DCTN1: variants seen among roughly 807,000 people sequenced by gnomAD.
The protein encoded by DCTN1 is 150 kDa dynein-associated polypeptide.
A neutral mutation model predicts 161.2 loss-of-function variants in DCTN1; 61 were observed. That is an observed-to-expected ratio of 0.38 (90% CI 0.31 to 0.47). DCTN1 has a LOEUF of 0.47. Ranked by LOEUF, DCTN1 falls within the 20% of genes least tolerant of loss-of-function variation. The probability of loss-of-function intolerance (pLI) is 0.99; values close to 1 mark genes in which losing one functional copy is unlikely to be tolerated. For synonymous variants in DCTN1, 653 were observed against 632.4 expected (o/e 1.03, Z -0.49); for missense variants, 1,404 against 1,623.7 (o/e 0.86, Z 2.33).
At chr2:74,384,365 A>G (rs1006662963), upstream of DCTN1, among the ~76,000 whole-genome samples, 2 of 152,226 alleles carry the variant, frequency 1.3e-5, no homozygotes, top group African/African-American at 2.4e-5. Context: ...CTCCTTCCAC[A>G]GCATTACCGG....
rs1019375781 is a variant in DCTN1, at chr2:74,369,595, T to C, written c.1393-104A>G. The C allele has an allele frequency of 6.8e-6, 8 of 1,177,004 alleles. No individual in the cohort carries two copies. In the East Asian group the frequency reaches 1.6e-4, roughly 24 times the overall value. The allele number at this position is 1,177,004 out of a possible 1,614,324, so 72.9% of individuals were successfully genotyped here. On this transcript the variant is annotated intron_variant, in intron 13 of 31. Transcript: ENST00000628224. The surrounding 1 kb of genome is among the most constrained non-coding windows in gnomAD (Gnocchi z 4.9). ...ACTTTGGGAGGTCAAAGCAGGCGGA[T>C]CATGAGGTCGAGATCGAGATCATGC...
In DCTN1 at chr2:74,366,327, A is replaced by T; in HGVS notation, c.2677T>A (p.Cys893Ser). The change falls in exon 23 of 32, where the codon TGC becomes AGC. Residue 893 changes from cysteine to serine, a missense_variant. By Grantham distance (112) the Cys-to-Ser change is moderately radical. This residue lies in a region of DCTN1 where 475 missense variants were observed against 489.8 expected (regional missense o/e 0.97). Transcript: ENST00000628224. ...TTCATGGTACTGATGAGGATGTTGC[A>T]TGACTGGCGCAGACACTCATAGGGG... Reference protein sequence around the residue: ...SSPYECLRQSCNILISTMNKL... With the variant: ...SSPYECLRQSSNILISTMNKL... The T allele has an allele frequency of 1.9e-6, 3 of 1,614,208 alleles. No homozygotes were observed. Among genetic ancestry groups the T allele is most frequent in the Non-Finnish European group, 1.7e-6 (2 of 1,180,040 alleles).
upstream of DCTN1, among the ~76,000 whole-genome samples, chr2:74,381,367 C>T (rs62147429): frequency 0.017 from 2,645 of 152,266 alleles, 28 homozygotes; most frequent in Non-Finnish European, 0.024. Flanking sequence ...AGAACAGTGA[C>T]TTTACCCCGC....
Position 74,378,200 on chromosome 2 carries a change from G to C in DCTN1, c.79C>G (p.Leu27Val). 1 of 1,612,722 alleles carries C rather than the reference G, an allele frequency of 6.2e-7. No homozygotes were observed. The highest frequency in any genetic ancestry group is 2.2e-5 in the East Asian group (1 of 44,890). ...RMSAEASARP[L>V]RVGSRVEVIG... ...ACCTCTACACGGGAGCCCACCCGCA[G>C]AGGCCGGGCGCTTGCCTCCGCACTC... is the stretch of plus-strand genomic sequence containing the variant. Residue 27 changes from leucine to valine, a missense_variant, in exon 2 of 32, where the codon CTG (leucine) becomes GTG (valine). Transcript: ENST00000628224.
At chr2:74,368,679 A>G in intron 16 of DCTN1, 49 bp downstream of exon 16, 1 of 1,613,770 alleles carries the variant, frequency 6.2e-7, no homozygotes, top group Non-Finnish European at 8.5e-7. Context: ...TGCCTGGTTC[A>G]TGGCAAGTTC....
chr2:74,391,720 G>A (rs566086285), intron 1 of DCTN1: 8 of 446,456 alleles, frequency 1.8e-5, no homozygotes, highest in Non-Finnish European at 3.2e-5. Flanking sequence ...TCGGTCCCCA[G>A]CCCACCGCCG....
At chr2:74,374,524 C>T (rs983221043) in intron 5 of DCTN1, 184 bp from the exon 6 acceptor site, 38 of 1,422,502 alleles carry the variant, frequency 2.7e-5, no homozygotes, top group Middle Eastern at 2.6e-4. Context: ...CTCAGCCTCC[C>T]GGTGCGGCAG....
Position 74,369,341 on chromosome 2 carries a change from G to T in DCTN1, c.1543C>A (p.Gln515Lys), listed in dbSNP as rs748353990. 7 of 1,614,080 alleles carry T rather than the reference G, an allele frequency of 4.3e-6. No individual in the cohort carries two copies. The East Asian group carries it at 1.6e-4, about 36-fold the overall frequency. Residue 515 changes from glutamine to lysine, a missense_variant, in exon 14 of 32, where the codon CAG becomes AAG. Physicochemically the swap from Gln to Lys is moderately conservative, Grantham distance 53. Around this residue, in one of 9 missense-constraint regions of DCTN1, gnomAD observed 278 missense variants for 363.8 expected, o/e 0.76. Coordinates refer to ENST00000628224, the MANE Select transcript of DCTN1 (RefSeq NM_004082.5). The surrounding 1 kb of genome is among the most constrained non-coding windows in gnomAD (Gnocchi z 4.9). ...AAQETVADYQ[Q>K]TIKKYRQLTA... ...AGCTGGCGGTACTTCTTGATGGTCTGCTGGTAGTCTGCAACCGTCTCCTGG... is the reference window on the plus strand; with the variant it reads ...AGCTGGCGGTACTTCTTGATGGTCTTCTGGTAGTCTGCAACCGTCTCCTGG...
Position 74,366,628 on chromosome 2 carries a change from C to T in DCTN1, c.2467-8G>A. ...TAGGAGCGTGTCAGATACCTGTGTG[C>T]CAGGCCAGAGTCAGGAGTCAACCCT... On this transcript the variant is annotated splice_region_variant and splice_polypyrimidine_tract_variant and intron_variant, in intron 21 of 31. Coordinates refer to ENST00000628224, the MANE Select transcript of DCTN1 (RefSeq NM_004082.5). 3.1e-6 allele frequency: 5 copies of T among 1,612,276 alleles called. No homozygotes were observed. The highest frequency in any genetic ancestry group is 4.2e-6 in the Non-Finnish European group (5 of 1,180,024).
chr2:74,379,874 T>C, intron 1 of DCTN1, 131 bp downstream of exon 1: 1 of 952,164 alleles, frequency 1.1e-6, no homozygotes, highest in Non-Finnish European at 1.7e-6. Context: ...GAGGGCTCCT[T>C]AGAAAACACA....
intron 5 of DCTN1, chr2:74,374,651 C>T (rs891233833): frequency 5.8e-6 from 7 of 1,216,306 alleles, no homozygotes; most frequent in Non-Finnish European, 6.2e-6. Flanking sequence ...CCAGCTTAGG[C>T]TGATGGCAGC....
chr2:74,367,820 C>A lies in DCTN1; in HGVS notation c.2060G>T (p.Ser687Ile), dbSNP rs768416546. The A allele has an allele frequency of 6.2e-7, 1 of 1,614,058 alleles. No homozygotes were observed. The highest frequency in any genetic ancestry group is 1.7e-5 in the Admixed American group (1 of 60,008). ...CSVDVYKKVG[S>I]LYPEMSAHER... ...ATGGGCACTCATCTCAGGGTACAGGCTGCCCACTTTCTTATACACATCCAC... is the reference window on the plus strand; with the variant it reads ...ATGGGCACTCATCTCAGGGTACAGGATGCCCACTTTCTTATACACATCCAC... Residue 687 changes from serine to isoleucine, a missense_variant, in exon 18 of 32, where the codon AGC (serine) becomes ATC (isoleucine). Ser to Ile is a moderately radical substitution (Grantham distance 142). Coordinates refer to ENST00000628224, the MANE Select transcript of DCTN1 (RefSeq NM_004082.5).
At chr2:74,365,312 G>T in intron 25 of DCTN1, 71 bp from the exon 26 acceptor site, 1 of 1,594,784 alleles carries the variant, frequency 6.3e-7, no homozygotes, top group Non-Finnish European at 8.6e-7. Context: ...AGTCCTGAGA[G>T]GTCCTTGGAA....
chr2:74,365,886 C>T lies in DCTN1; in HGVS notation c.2886+7G>A. The T allele has an allele frequency of 6.2e-7, 1 of 1,614,244 alleles. No homozygotes were observed. Among genetic ancestry groups the T allele is most frequent in the Non-Finnish European group, 8.5e-7 (1 of 1,180,044 alleles). ...GCCCCCAGATCCTGAGCCTACACTACCCTCACCTTAATCTTGAGTGACTTC... is the reference window on the plus strand; with the variant it reads ...GCCCCCAGATCCTGAGCCTACACTATCCTCACCTTAATCTTGAGTGACTTC... On this transcript the variant is annotated splice_region_variant and intron_variant, in intron 24 of 31. Coordinates refer to ENST00000628224, the MANE Select transcript of DCTN1 (RefSeq NM_004082.5).
chr2:74,372,458 C>G (rs568339090), intron 7 of DCTN1, among the ~76,000 whole-genome samples: 31 of 152,354 alleles, frequency 2.0e-4, no homozygotes, highest in African/African-American at 7.0e-4. Flanking sequence ...CTGGAGCAGA[C>G]AGGCCTGCCA....
intron 5 of DCTN1, among the ~76,000 whole-genome samples, chr2:74,375,496 G>A (rs1675170410): frequency 6.6e-6 from 1 of 152,214 alleles, no homozygotes; most frequent in Non-Finnish European, 1.5e-5. Context: ...GGTGGCCTAG[G>A]CTGGGCTTTT....
chr2:74,363,474 G>A, intron 27 of DCTN1, 47 bp from the exon 28 acceptor site: 1 of 1,608,140 alleles, frequency 6.2e-7, no homozygotes, highest in South Asian at 1.1e-5. Flanking sequence ...GGAAAGGGTT[G>A]AAAATTGGGC....
intron 25 of DCTN1, 106 bp downstream of exon 25, chr2:74,365,409 G>T: frequency 6.3e-7 from 1 of 1,576,352 alleles, no homozygotes; most frequent in African/African-American, 1.3e-5. Flanking sequence ...AAAGAAAATG[G>T]GGAGTCTCAC....
rs779731701 is a variant in DCTN1, at chr2:74,366,917, T to C, written c.2332A>G (p.Thr778Ala). 7.4e-6 allele frequency: 12 copies of C among 1,614,084 alleles called. No individual in the cohort carries two copies. In the East Asian group the frequency reaches 2.5e-4, roughly 33 times the overall value. ...TCCCGGAGCAGGAGGGCAATATCTG[T>C]AGCCTCCTGCCCACCCTACTCAGGA... Reference protein sequence around the residue: ...RAFLQGGQEATDIALLLRDLE... With the variant: ...RAFLQGGQEAADIALLLRDLE... Residue 778 changes from threonine to alanine, a missense_variant, in exon 21 of 32, where the codon ACA becomes GCA. Physicochemically the swap from Thr to Ala is moderately conservative, Grantham distance 58. This residue lies in a region of DCTN1 where 475 missense variants were observed against 489.8 expected (regional missense o/e 0.97). Coordinates refer to ENST00000628224, the MANE Select transcript of DCTN1 (RefSeq NM_004082.5).
Sources: gnomAD v4.1 joint callset for allele counts (sites outside exome capture counted in the v4.1 genomes callset) on GRCh38, gnomAD v4.1.1 for gene constraint, gnomAD v4.1.1 regional missense constraint, Gnocchi (gnomAD v3.1) non-coding constraint, MANE v1.5 for transcripts, NCBI Gene and HGNC (gene_info 2026-07-23, HGNC 2026-07-21) for gene names.